COLEC11: variants seen among roughly 807,000 people sequenced by gnomAD.
COLEC11 encodes the protein collectin-11.
In COLEC11, 20 loss-of-function variants were observed where a neutral mutation model predicts 27.3. The ratio of observed to expected loss-of-function variants is 0.73; its 90% CI spans 0.51 to 1.06. The LOEUF (loss-of-function observed/expected upper bound fraction) is 1.06. Among genes scored for constraint, COLEC11 ranks in the 50% least tolerant of loss-of-function variants. The pLI, the probability that COLEC11 is intolerant of heterozygous loss-of-function variation, is 0.00. For missense variants in COLEC11, 310 were observed against 383.0 expected, an observed-to-expected ratio of 0.81 and a Z score of 1.59; for synonymous variants, 163 against 154.7, an observed-to-expected ratio of 1.05 and a Z score of -0.40.
intron 3 of COLEC11, among the ~76,000 whole-genome samples, chr2:3,624,765 CTT>C (rs1462130080): frequency 6.6e-6 from 1 of 152,184 alleles, no homozygotes; most frequent in African/African-American, 2.4e-5. Flanking sequence ...TACAAAGACA[CTT>C]TTGTTCATGG....
intron 2 of COLEC11, among the ~76,000 whole-genome samples, chr2:3,612,022 T>C (rs1217503039): frequency 6.9e-6 from 1 of 144,896 alleles, no homozygotes; most frequent in Non-Finnish European, 1.5e-5. Context: ...TTTATCATAC[T>C]GGAACAGCTC....
rs1348655452 is a variant in COLEC11, at chr2:3,619,478, AAAC to A, written c.202+6101_202+6103del. 3.9e-5 allele frequency among the ~76,000 whole-genome samples: 6 copies of A among 152,330 alleles called. No homozygotes were observed. In the East Asian group the frequency reaches 9.6e-4, roughly 24 times the overall value. On this transcript the variant is annotated intron_variant, in intron 3 of 6. Transcript: ENST00000349077. ...TGCTTTCTTGAGAGCTTTTATCATG[AAAC>A]AACACTGAGTTTTGTCAAACGTTCT...
chr2:3,642,544 T>G (rs1178589676), intron 5 of COLEC11, among the ~76,000 whole-genome samples: 1 of 151,994 alleles, frequency 6.6e-6, no homozygotes, highest in Non-Finnish European at 1.5e-5. Flanking sequence ...CACCACCGTT[T>G]CAATATATGC....
At position 3,595,140 on chromosome 2, in the gene COLEC11, G is replaced by A. The variant is rs1268719013; in HGVS notation, c.-55G>A. Reference sequence around the variant, plus strand: ...GTCCTCGCGGGCCAGCGACGGGCAGGACGCCCCGTTCGCCTAGCGCGTGCT... The same window carrying A: ...GTCCTCGCGGGCCAGCGACGGGCAGAACGCCCCGTTCGCCTAGCGCGTGCT... On this transcript the variant is annotated 5_prime_UTR_variant, in exon 1 of 7. Transcript: ENST00000349077. 1.1e-5 allele frequency: 4 copies of A among 352,226 alleles called. No homozygotes were observed. Among genetic ancestry groups the A allele is most frequent in the Non-Finnish European group, 5.7e-6 (1 of 174,998 alleles). The allele number at this position is 352,226 out of a possible 1,614,324, so 21.8% of individuals were successfully genotyped here. A position where few individuals can be genotyped will look rare whatever the true frequency, so the allele number is the denominator to read the frequency against.
Position 3,617,772 on chromosome 2 carries a change from T to C in COLEC11, c.202+4390T>C, listed in dbSNP as rs1663882174. The C allele has an allele frequency of 1.1e-5, 11 of 987,280 alleles. No individual in the cohort carries two copies. In the South Asian group the frequency reaches 1.5e-4, roughly 13 times the overall value. 61.2% of individuals were successfully genotyped at this position (987,280 alleles called of 1,614,324 possible). A position where few individuals can be genotyped will look rare whatever the true frequency, so the allele number is the denominator to read the frequency against. On this transcript the variant is annotated intron_variant, in intron 3 of 6. Coordinates refer to ENST00000349077, the MANE Select transcript of COLEC11 (RefSeq NM_024027.5). ...ACCACTGAGTTGTCGCTTTTGATTT[T>C]TTCAAGGAGCCTCTGTACTGTTTTC... is the stretch of plus-strand genomic sequence containing the variant.
In COLEC11 at chr2:3,602,086, T is replaced by G. The variant is rs915904788; in HGVS notation, c.-26-2229T>G. The G allele has an allele frequency of 2.0e-5, 3 of 152,240 alleles. No homozygotes were observed. Among genetic ancestry groups the G allele is most frequent in the Non-Finnish European group, 4.4e-5 (3 of 68,100 alleles). 9.4% of individuals were successfully genotyped at this position (152,240 alleles called of 1,614,324 possible). On this transcript the variant is annotated intron_variant, in intron 1 of 6. Coordinates refer to ENST00000349077, the MANE Select transcript of COLEC11 (RefSeq NM_024027.5). The surrounding 1 kb of genome is among the most constrained non-coding windows in gnomAD (Gnocchi z 6.2). ...CTCCATGGGGCCCTGGCTTTCGGGA[T>G]CTGTCCGGACCACCCTCCCCTGGCT...
chr2:3,627,606 TG>T (rs1462713849), intron 3 of COLEC11, among the ~76,000 whole-genome samples: 1 of 144,810 alleles, frequency 6.9e-6, no homozygotes, highest in African/African-American at 2.6e-5. Context: ...ACAACGATGC[TG>T]GGCATGAAGA....
At position 3,643,463 on chromosome 2, in the gene COLEC11, C is replaced by T; in HGVS notation, c.348C>T (p.Ser116=). ...NGEPGLPCEC[S]QLRKAIGEMD... ...CCGCAGGCCTCCCATGTGAGTGCAG[C>T]CAGCTGCGCAAGGCCATCGGGGAGA... is the stretch of plus-strand genomic sequence containing the variant. Residue 116 remains serine, a synonymous_variant, in exon 6 of 7, where the codon AGC becomes AGT. Transcript: ENST00000349077. The T allele has an allele frequency of 3.1e-6, 5 of 1,613,814 alleles. No individual in the cohort carries two copies. The highest frequency in any genetic ancestry group is 3.4e-6 in the Non-Finnish European group (4 of 1,179,990).
chr2:3,625,625 C>CTTTTTTTTT (rs60222284), intron 3 of COLEC11, among the ~76,000 whole-genome samples: 4,895 of 91,266 alleles, frequency 0.054, 687 homozygotes, highest in African/African-American at 0.087. Context: ...TTCTTTTTTA[C>CTTTTTTTTT]TTTTTTTTTT....
intron 1 of COLEC11, among the ~76,000 whole-genome samples, chr2:3,601,012 T>C (rs954222492): frequency 1.1e-4 from 17 of 152,302 alleles, no homozygotes; most frequent in African/African-American, 3.8e-4. Flanking sequence ...GCCCCCACTT[T>C]CCTCTTGGCC....
At chr2:3,617,636 G>A (rs1429309576) in intron 3 of COLEC11, 8 of 1,611,986 alleles carry the variant, frequency 5.0e-6, no homozygotes, top group African/African-American at 2.7e-5. Flanking sequence ...CTTCAGTTTC[G>A]ACTTATCGAA....
intron 1 of COLEC11, among the ~76,000 whole-genome samples, chr2:3,600,524 A>G (rs1418172347): frequency 6.6e-6 from 1 of 152,224 alleles, no homozygotes; most frequent in Non-Finnish European, 1.5e-5. Context: ...ACTGCACTCC[A>G]GTCCTGTCCC....
At chr2:3,637,053 G>T (rs1023299666) in intron 3 of COLEC11, among the ~76,000 whole-genome samples, 1 of 152,176 alleles carries the variant, frequency 6.6e-6, no homozygotes, top group South Asian at 2.1e-4. Flanking sequence ...ACACACCCGA[G>T]AGGAGCCAGG....
At chr2:3,632,072 C>T (rs1253475442) in intron 3 of COLEC11, among the ~76,000 whole-genome samples, 1 of 152,160 alleles carries the variant, frequency 6.6e-6, no homozygotes, top group African/African-American at 2.4e-5. Context: ...CGCTCGCGCT[C>T]CTGCTCCTGA....
At chr2:3,607,437 ATTTTTTTTTTGC>A (rs1558490417) in intron 2 of COLEC11, among the ~76,000 whole-genome samples, 2 of 103,352 alleles carry the variant, frequency 1.9e-5, no homozygotes, top group South Asian at 8.2e-4. Context: ...TATCAAATGA[ATTTTTTTTTTGC>A]TTTTTTTTTT....
intron 3 of COLEC11, among the ~76,000 whole-genome samples, chr2:3,630,131 C>CTG (rs34360564): frequency 0.68 from 103,097 of 151,962 alleles, 35,185 homozygotes; most frequent in South Asian, 0.79. Flanking sequence ...ATGCACATCT[C>CTG]TATGTGTATA....
At chr2:3,606,822 C>T (rs1662742027) in intron 2 of COLEC11, among the ~76,000 whole-genome samples, 2 of 152,238 alleles carry the variant, frequency 1.3e-5, no homozygotes, top group South Asian at 4.1e-4. Flanking sequence ...TCATCCCTGC[C>T]GGCCCCAGCA....
chr2:3,643,329 G>A, intron 5 of COLEC11, 115 bp from the exon 6 acceptor site: 1 of 870,016 alleles, frequency 1.1e-6, no homozygotes, highest in South Asian at 1.4e-5. Flanking sequence ...GGCCTCAAAG[G>A]CCCGTGGGGC....
chr2:3,636,025 G>A (rs11123564), intron 3 of COLEC11, among the ~76,000 whole-genome samples: 123,356 of 152,268 alleles, frequency 0.81, 50,235 homozygotes, highest in African/African-American at 0.89. Flanking sequence ...TCTGGTTTCT[G>A]TCTATTCTGA....
Sources: gnomAD v4.1 joint callset for allele counts (sites outside exome capture counted in the v4.1 genomes callset) on GRCh38, gnomAD v4.1.1 for gene constraint, Gnocchi (gnomAD v3.1) non-coding constraint, MANE v1.5 for transcripts, NCBI Gene and HGNC (gene_info 2026-07-23, HGNC 2026-07-21) for gene names.